The following RBFOX1 variants were observed in gnomAD, a reference collection of about 807,000 sequenced individuals.
RBFOX1 encodes RNA binding protein fox-1 homolog 1.
A neutral mutation model predicts 57.7 loss-of-function variants in RBFOX1; 8 were observed. The ratio of observed to expected loss-of-function variants is 0.14; its 90% CI spans 0.08 to 0.25. The LOEUF (loss-of-function observed/expected upper bound fraction) is 0.25. RBFOX1 is among the 10% of genes least tolerant of loss of function. The probability of loss-of-function intolerance (pLI) is 1.00; values close to 1 mark genes in which losing one functional copy is unlikely to be tolerated. For synonymous variants in RBFOX1, 326 were observed against 222.4 expected (o/e 1.47, Z -4.15); for missense variants, 611 against 548.5 (o/e 1.11, Z -1.14).
At chr16:5,972,470 G>A (rs921556929) in intron 4 of RBFOX1, among the ~76,000 whole-genome samples, 1 of 152,204 alleles carries the variant, frequency 6.6e-6, no homozygotes, top group African/African-American at 2.4e-5. Flanking sequence ...ACTCCATCAA[G>A]TATTCCAGCG....
At chr16:5,925,496 C>T (rs534461657) in intron 4 of RBFOX1, among the ~76,000 whole-genome samples, 1 of 152,132 alleles carries the variant, frequency 6.6e-6, no homozygotes, top group Non-Finnish European at 1.5e-5. Context: ...TGAACATAAA[C>T]TTGGACGTGA....
At chr16:5,438,233 A>G (rs1379968548) in intron 1 of RBFOX1, among the ~76,000 whole-genome samples, 2 of 152,180 alleles carry the variant, frequency 1.3e-5, no homozygotes, top group Non-Finnish European at 2.9e-5. Flanking sequence ...GGAAGTTGTG[A>G]TCACCCTCAC....
intron 1 of RBFOX1, among the ~76,000 whole-genome samples, chr16:6,036,220 G>A (rs1238665462): frequency 6.6e-6 from 1 of 152,148 alleles, no homozygotes; most frequent in Admixed American, 6.5e-5. Flanking sequence ...TCAGCACAGG[G>A]CATGTGAGGG....
At chr16:7,272,495 A>G (rs1206393895) in intron 4 of RBFOX1, among the ~76,000 whole-genome samples, 2 of 152,112 alleles carry the variant, frequency 1.3e-5, no homozygotes, top group African/African-American at 2.4e-5. Context: ...CCGTTTCCCT[A>G]GTTTAGACAT....
chr16:6,622,815 T>A (rs141427164), intron 2 of RBFOX1, among the ~76,000 whole-genome samples: 3 of 152,348 alleles, frequency 2.0e-5, no homozygotes, highest in African/African-American at 7.2e-5. Context: ...TGAGAACTCA[T>A]AACACATTGC....
chr16:6,743,543 A>G (rs1461957101), intron 3 of RBFOX1, among the ~76,000 whole-genome samples: 1 of 152,082 alleles, frequency 6.6e-6, no homozygotes, highest in African/African-American at 2.4e-5. Context: ...GGAGTTTGAG[A>G]CCAACCTGAG....
intron 1 of RBFOX1, among the ~76,000 whole-genome samples, chr16:6,022,112 A>G (rs1290165856): frequency 6.6e-6 from 1 of 152,120 alleles, no homozygotes; most frequent in Non-Finnish European, 1.5e-5. Flanking sequence ...ACTGGCCAAG[A>G]TATAGGTTGG....
At chr16:6,703,865 A>C (rs1215989302) in intron 3 of RBFOX1, 4 of 152,252 alleles carry the variant, frequency 2.6e-5, no homozygotes, top group Non-Finnish European at 5.9e-5. Flanking sequence ...TCTGAAAAGC[A>C]ACTTACTCTG....
chr16:7,526,712 C>G (rs201466577), intron 5 of RBFOX1, among the ~76,000 whole-genome samples: 30 of 152,336 alleles, frequency 2.0e-4, no homozygotes, highest in African/African-American at 7.0e-4. Context: ...TGCTCATTGA[C>G]TGTCAGACTA....
chr16:6,974,137 G>C (rs952518826), intron 3 of RBFOX1, among the ~76,000 whole-genome samples: 2 of 151,986 alleles, frequency 1.3e-5, no homozygotes, highest in African/African-American at 2.4e-5. Flanking sequence ...ATAGAATTCC[G>C]TGGTGTATAT....
intron 1 of RBFOX1, among the ~76,000 whole-genome samples, chr16:5,458,680 A>T (rs1261024948): frequency 2.0e-5 from 3 of 152,198 alleles, no homozygotes; most frequent in African/African-American, 7.2e-5. Flanking sequence ...CCAAATAGGC[A>T]ACTGGGTTTT....
intron 2 of RBFOX1, among the ~76,000 whole-genome samples, chr16:6,495,399 A>C (rs1013874827): frequency 2.2e-5 from 3 of 133,374 alleles, no homozygotes; most frequent in Admixed American, 9.2e-5. Context: ...CCTAAGTGCT[A>C]ATATTACAGG....
chr16:5,802,527 A>C (rs1175032649), intron 3 of RBFOX1, among the ~76,000 whole-genome samples: 1 of 152,194 alleles, frequency 6.6e-6, no homozygotes, highest in Non-Finnish European at 1.5e-5. Context: ...AGACTCTCAG[A>C]GGGAATGCTC....
intron 4 of RBFOX1, among the ~76,000 whole-genome samples, chr16:7,111,064 T>C (rs950252872): frequency 2.0e-4 from 30 of 152,208 alleles, no homozygotes; most frequent in African/African-American, 7.0e-4. Flanking sequence ...AAAATACTGT[T>C]TTTGAAAAGC....
Position 7,114,571 on chromosome 16 carries a change from C to T in RBFOX1, c.27+62473C>T, listed in dbSNP as rs923190344. 8.5e-5 allele frequency among the ~76,000 whole-genome samples: 13 copies of T among 152,180 alleles called. 1 individual carries two copies. The East Asian group carries it at 2.3e-3, about 27-fold the overall frequency. On this transcript the variant is annotated intron_variant, in intron 4 of 15. Transcript: ENST00000550418. ...AGCCTAATGAGAAATTGAATACCAT[C>T]TATTTATCTCCTCTAGCCCAAGATC...
At chr16:7,698,910 G>T (rs1021507620) in intron 14 of RBFOX1, among the ~76,000 whole-genome samples, 4 of 152,082 alleles carry the variant, frequency 2.6e-5, no homozygotes, top group African/African-American at 9.7e-5. Flanking sequence ...AATTAAAGAT[G>T]TCTAGATAGT....
intron 4 of RBFOX1, among the ~76,000 whole-genome samples, chr16:6,003,368 C>A (rs545715353): frequency 6.6e-6 from 1 of 152,024 alleles, no homozygotes; most frequent in East Asian, 1.9e-4. Context: ...GTGAGATCTC[C>A]TGTGCTCCTT....
At chr16:5,286,890 C>T (rs949489485) in intron 1 of RBFOX1, among the ~76,000 whole-genome samples, 8 of 152,184 alleles carry the variant, frequency 5.3e-5, no homozygotes, top group Non-Finnish European at 7.3e-5. Context: ...CCAGATTTGG[C>T]CCTTGGTCTA....
intron 3 of RBFOX1, among the ~76,000 whole-genome samples, chr16:5,750,670 C>T (rs2053164617): frequency 6.6e-6 from 1 of 152,206 alleles, no homozygotes. Context: ...CTGAGCCAGG[C>T]ATGGGATGTA....
Sources: gnomAD v4.1 joint callset for allele counts (sites outside exome capture counted in the v4.1 genomes callset) on GRCh38, gnomAD v4.1.1 for gene constraint, MANE v1.5 for transcripts, NCBI Gene and HGNC (gene_info 2026-07-23, HGNC 2026-07-21) for gene names.